The following CTNND2 variants were observed in gnomAD, a reference collection of about 807,000 sequenced individuals.
CTNND2 encodes the protein catenin delta-2.
Under a neutral mutation model 144.4 loss-of-function variants are expected in CTNND2, and 22 were observed. The observed-to-expected ratio is 0.15, with a 90% CI of 0.11 to 0.22. The LOEUF (loss-of-function observed/expected upper bound fraction) is 0.22. Among genes scored for constraint, CTNND2 ranks in the 10% least tolerant of loss-of-function variants. CTNND2 has a pLI of 1.00. For missense variants in CTNND2, 1,353 were observed against 1,618.8 expected, an observed-to-expected ratio of 0.84 and a Z score of 2.82; for synonymous variants, 751 against 695.6, an observed-to-expected ratio of 1.08 and a Z score of -1.25.
At chr5:11,389,575 G>A (rs1759437659) in intron 6 of CTNND2, among the ~76,000 whole-genome samples, 2 of 152,108 alleles carry the variant, frequency 1.3e-5, no homozygotes, top group South Asian at 2.1e-4. Context: ...ACTGTTTAAG[G>A]GGAGGATGTA....
intron 3 of CTNND2, among the ~76,000 whole-genome samples, chr5:11,444,268 A>G (rs928101360): frequency 5.9e-5 from 9 of 152,220 alleles, no homozygotes; most frequent in South Asian, 2.1e-4. Flanking sequence ...AGAATACACA[A>G]AGCATTTTCT....
intron 16 of CTNND2, among the ~76,000 whole-genome samples, chr5:11,027,797 C>T (rs992187708): frequency 6.6e-6 from 1 of 152,196 alleles, no homozygotes; most frequent in Non-Finnish European, 1.5e-5. Context: ...ACTCAGGAGA[C>T]CTAACAAACC....
In CTNND2 at chr5:11,699,063, ATAGT is replaced by A. The variant is rs574975456; in HGVS notation, c.174+33069_174+33072del. On this transcript the variant is annotated intron_variant, in intron 2 of 21. Transcript: ENST00000304623. ...ATATCATATGTTCCCCCACACACAC[ATAGT>A]TAGATTTAATCTACTTATACTTTTA... Among the ~76,000 whole-genome samples the A allele has an allele frequency of 5.9e-5, 9 of 151,710 alleles. No homozygotes were observed. The South Asian group carries it at 1.2e-3, about 21-fold the overall frequency.
chr5:11,604,481 G>A (rs1055563777), intron 2 of CTNND2, among the ~76,000 whole-genome samples: 2 of 152,232 alleles, frequency 1.3e-5, no homozygotes, highest in Non-Finnish European at 2.9e-5. Context: ...CTGATGTCTT[G>A]TGGAGCATGG....
At chr5:11,469,642 G>A (rs1766982696) in intron 3 of CTNND2, among the ~76,000 whole-genome samples, 1 of 152,130 alleles carries the variant, frequency 6.6e-6, no homozygotes, top group African/African-American at 2.4e-5. Flanking sequence ...CACAGTTAAG[G>A]CCAGCTTCTC....
chr5:11,465,926 C>T (rs918968464), intron 3 of CTNND2, among the ~76,000 whole-genome samples: 1 of 152,162 alleles, frequency 6.6e-6, no homozygotes, highest in Non-Finnish European at 1.5e-5. Flanking sequence ...GATAACCTTT[C>T]CTAATGGCAG....
At chr5:11,497,511 C>CGGGGGG (rs940620634) in intron 3 of CTNND2, among the ~76,000 whole-genome samples, 5 of 6,220 alleles carry the variant, frequency 8.0e-4, no homozygotes, top group African/African-American at 1.9e-3. Flanking sequence ...GAATGATGTG[C>CGGGGGG]GGGGGGGTGG....
intron 3 of CTNND2, among the ~76,000 whole-genome samples, chr5:11,466,847 C>T (rs559946748): frequency 6.6e-6 from 1 of 152,274 alleles, no homozygotes; most frequent in South Asian, 2.1e-4. Flanking sequence ...TCTGGGAAAA[C>T]GATGTTCTAT....
At chr5:11,138,027 C>T (rs1221784898) in intron 12 of CTNND2, among the ~76,000 whole-genome samples, 1 of 152,206 alleles carries the variant, frequency 6.6e-6, no homozygotes, top group East Asian at 1.9e-4. Context: ...AGGGGAAAAT[C>T]TGTTTCCTTG....
In CTNND2 at chr5:11,283,673, CAAAAAAAAAAAAAAAAAAAA is replaced by C. The variant is rs70947250; in HGVS notation, c.1629-46870_1629-46851del. Among the ~76,000 whole-genome samples the C allele has an allele frequency of 3.5e-4, 11 of 31,608 alleles. No individual in the cohort carries two copies. The East Asian group carries it at 4.1e-3, about 12-fold the overall frequency. 20.7% of individuals were successfully genotyped at this position (31,608 alleles called of 152,430 possible). On this transcript the variant is annotated intron_variant, in intron 9 of 21. Transcript: ENST00000304623. The stretch of plus-strand genomic sequence containing the variant: ...TGGGTGAAAGAGTGAGACTCCGTCT[CAAAAAAAAAAAAAAAAAAAA>C]AAAAAAAAAAAAAGAGAGAGACATG...
chr5:11,593,018 C>T (rs982721973), intron 2 of CTNND2, among the ~76,000 whole-genome samples: 2 of 151,748 alleles, frequency 1.3e-5, no homozygotes, highest in African/African-American at 2.4e-5. Context: ...AGTGCCTTCA[C>T]CTGTTGAAAA....
chr5:11,740,732 C>G (rs147553654), intron 1 of CTNND2, among the ~76,000 whole-genome samples: 2 of 152,102 alleles, frequency 1.3e-5, no homozygotes, highest in African/African-American at 2.4e-5. Flanking sequence ...GCAAAAGAAA[C>G]TATCATCAGA....
intron 2 of CTNND2, among the ~76,000 whole-genome samples, chr5:11,589,446 T>C (rs1779098689): frequency 6.6e-6 from 1 of 152,154 alleles, no homozygotes; most frequent in Non-Finnish European, 1.5e-5. Context: ...CCAGTCCGGT[T>C]TTGGTTTCAA....
chr5:11,151,852 A>C (rs1034356572), intron 12 of CTNND2, among the ~76,000 whole-genome samples: 1 of 152,186 alleles, frequency 6.6e-6, no homozygotes, highest in African/African-American at 2.4e-5. Context: ...TTGGGAAGAA[A>C]TTATCCCCAA....
chr5:11,665,782 C>A (rs925154948), intron 2 of CTNND2, among the ~76,000 whole-genome samples: 1 of 152,152 alleles, frequency 6.6e-6, no homozygotes, highest in Non-Finnish European at 1.5e-5. Flanking sequence ...AAGACCCTAA[C>A]CCTTTCCTGT....
chr5:11,075,803 T>A lies in CTNND2; in HGVS notation c.2788+6893A>T, dbSNP rs61750296. 3.9e-3 allele frequency among the ~76,000 whole-genome samples: 597 copies of A among 152,384 alleles called. 4 individuals are homozygous for A. The highest frequency in any genetic ancestry group is 0.012 in the African/African-American group (503 of 41,598). ...TCTTCCACAGTGGCAGCAGAATGAG[T>A]TTGATTAGAGTCTGGATTTGAGAGA... On this transcript the variant is annotated intron_variant, in intron 16 of 21. Transcript: ENST00000304623.
At chr5:11,571,258 T>C (rs1040510160) in intron 2 of CTNND2, among the ~76,000 whole-genome samples, 2 of 152,180 alleles carry the variant, frequency 1.3e-5, no homozygotes, top group Non-Finnish European at 1.5e-5. Flanking sequence ...CATATGTGAC[T>C]GTTGGGGTGA....
Position 11,354,880 on chromosome 5 carries a change from C to T in CTNND2, c.1373-8253G>A, listed in dbSNP as rs117195611. Among the ~76,000 whole-genome samples the T allele has an allele frequency of 2.3e-4, 35 of 152,226 alleles. No individual in the cohort carries two copies. The East Asian group carries it at 6.0e-3, about 26-fold the overall frequency. On this transcript the variant is annotated intron_variant, in intron 8 of 21. Coordinates refer to ENST00000304623, the MANE Select transcript of CTNND2 (RefSeq NM_001332.4). ...ACAAGTCTTAACAAATTTAAGAAGA[C>T]AGAGTCAACATCAAGTATCTTTTCT...
At chr5:11,861,046 A>T (rs1303824258) in intron 1 of CTNND2, among the ~76,000 whole-genome samples, 1 of 152,242 alleles carries the variant, frequency 6.6e-6, no homozygotes, top group Non-Finnish European at 1.5e-5. Context: ...TCTAAGATGT[A>T]AACTATAGAA....
Sources: gnomAD v4.1 joint callset for allele counts (sites outside exome capture counted in the v4.1 genomes callset) on GRCh38, gnomAD v4.1.1 for gene constraint, MANE v1.5 for transcripts, NCBI Gene and HGNC (gene_info 2026-07-23, HGNC 2026-07-21) for gene names.